DNM3: variants seen among roughly 807,000 people sequenced by gnomAD.
The protein encoded by DNM3 is dynamin-3.
A neutral mutation model predicts 101.6 loss-of-function variants in DNM3; 47 were observed. That is an observed-to-expected ratio of 0.46 (90% CI 0.37 to 0.59). The LOEUF (loss-of-function observed/expected upper bound fraction) is 0.59, where lower values mean the gene tolerates loss of function less well. DNM3 is among the 20% of genes least tolerant of loss of function. The pLI is 0.00. For synonymous variants in DNM3, 385 were observed against 387.9 expected (o/e 0.99, Z 0.09); for missense variants, 849 against 1,085.7 (o/e 0.78, Z 3.06).
chr1:172,019,827 T>C (rs1467298341), intron 4 of DNM3, among the ~76,000 whole-genome samples: 1 of 152,194 alleles, frequency 6.6e-6, no homozygotes, highest in Non-Finnish European at 1.5e-5. Flanking sequence ...TATTCTTTCT[T>C]AGCATTTCCA....
intron 15 of DNM3, among the ~76,000 whole-genome samples, chr1:172,269,786 C>T (rs992984762): frequency 3.9e-5 from 6 of 152,034 alleles, no homozygotes; most frequent in Non-Finnish European, 8.8e-5. Context: ...TTTGTGATAG[C>T]GTGGGGCCCC....
intron 14 of DNM3, among the ~76,000 whole-genome samples, chr1:172,149,500 A>G (rs1219533550): frequency 1.3e-5 from 2 of 152,154 alleles, no homozygotes; most frequent in East Asian, 1.9e-4. Flanking sequence ...TGGCCTTTTC[A>G]GGCAGATTTT....
Position 172,338,873 on chromosome 1 carries a change from A to G in DNM3, c.1893+15533A>G. 5 of 459,850 alleles carry G rather than the reference A, an allele frequency of 1.1e-5. No homozygotes were observed. In the Admixed American group the frequency reaches 1.2e-4, roughly 11 times the overall value. The allele number at this position is 459,850 out of a possible 1,614,324, so 28.5% of individuals were successfully genotyped here. A position where few individuals can be genotyped will look rare whatever the true frequency, so the allele number is the denominator to read the frequency against. On this transcript the variant is annotated intron_variant, in intron 17 of 20. Transcript: ENST00000627582. ...TAAATCCAGAATGAAAGTGCATCTG[A>G]ACTTGACACACGTAAATAGTAGAAA...
chr1:172,260,455 A>C (rs1194573473), intron 15 of DNM3, among the ~76,000 whole-genome samples: 2 of 152,086 alleles, frequency 1.3e-5, no homozygotes, highest in Non-Finnish European at 2.9e-5. Flanking sequence ...GGACACCAAA[A>C]TTTGAATATT....
At chr1:172,146,033 A>G (rs2057877663) in intron 14 of DNM3, among the ~76,000 whole-genome samples, 1 of 152,166 alleles carries the variant, frequency 6.6e-6, no homozygotes, top group Non-Finnish European at 1.5e-5. Flanking sequence ...CAAGAGCTTG[A>G]TTAATTGCCC....
chr1:172,231,638 A>G (rs2061340514), intron 14 of DNM3, among the ~76,000 whole-genome samples: 1 of 152,162 alleles, frequency 6.6e-6, no homozygotes, highest in Non-Finnish European at 1.5e-5. Context: ...AGATGATCAA[A>G]CTTCTGCGAG....
chr1:172,234,912 G>A (rs1255322952), intron 14 of DNM3, among the ~76,000 whole-genome samples: 1 of 152,178 alleles, frequency 6.6e-6, no homozygotes, highest in Non-Finnish European at 1.5e-5. Context: ...AGAAAACCTA[G>A]GCAGTACCAT....
intron 14 of DNM3, among the ~76,000 whole-genome samples, chr1:172,149,845 G>A (rs904421932): frequency 6.6e-6 from 1 of 151,954 alleles, no homozygotes; most frequent in African/African-American, 2.4e-5. Context: ...CAGGGGTGGA[G>A]AAAGTACCCT....
intron 14 of DNM3, among the ~76,000 whole-genome samples, chr1:172,228,175 T>C (rs10911336): frequency 0.17 from 25,241 of 151,990 alleles, 2,457 homozygotes; most frequent in East Asian, 0.28. Flanking sequence ...ATGAGTCTTT[T>C]ATAGTTTCAG....
chr1:172,003,974 A>G (rs990726362), intron 4 of DNM3, among the ~76,000 whole-genome samples: 1 of 151,998 alleles, frequency 6.6e-6, no homozygotes, highest in African/African-American at 2.4e-5. Flanking sequence ...AATTCCCAAA[A>G]CCACTCAGCA....
chr1:172,304,218 A>AAAAAAAAAAAAAAAC (rs1182798546), intron 15 of DNM3, among the ~76,000 whole-genome samples: 4 of 135,092 alleles, frequency 3.0e-5, no homozygotes, highest in African/African-American at 1.3e-4. Flanking sequence ...AAAAAAAAAA[A>AAAAAAAAAAAAAAAC]AAAACAGGAG....
chr1:172,415,908 A>G (rs773267964), downstream of DNM3, among the ~76,000 whole-genome samples: 7 of 152,188 alleles, frequency 4.6e-5, no homozygotes, highest in Non-Finnish European at 7.3e-5. Flanking sequence ...GAATGTCACC[A>G]TAAGACCAAA....
intron 14 of DNM3, among the ~76,000 whole-genome samples, chr1:172,203,818 A>G (rs377725163): frequency 8.5e-5 from 13 of 152,208 alleles, no homozygotes; most frequent in African/African-American, 2.4e-4. Flanking sequence ...GTTATAATGT[A>G]TAAATTCTGA....
At chr1:171,887,569 A>G (rs2036886202) in intron 1 of DNM3, among the ~76,000 whole-genome samples, 2 of 152,270 alleles carry the variant, frequency 1.3e-5, no homozygotes, top group Middle Eastern at 3.4e-3. Context: ...TCCATTCTTT[A>G]TAGATCTTTT....
rs374692919 is a variant in DNM3 at position 172,379,114 on chromosome 1, A to G, written c.1990A>G (p.Met664Val). 320 of 1,612,052 alleles carry G rather than the reference A, an allele frequency of 2.0e-4. No homozygotes were observed. The highest frequency in any genetic ancestry group is 2.4e-4 in the Non-Finnish European group (288 of 1,178,902). The change falls in exon 18 of 21, where the codon ATG becomes GTG. Residue 664 changes from methionine (M) to valine (V), a missense_variant. Transcript: ENST00000627582. ...CATTCGCAACCTCGTAGACTCCTAC[A>G]TGTCCATTATCAACAAATGTATCCG... The part of the protein sequence containing the change: ...ETIRNLVDSY[M>V]SIINKCIRDL...
chr1:171,999,983 C>G (rs2046259876), intron 4 of DNM3, among the ~76,000 whole-genome samples: 4 of 152,070 alleles, frequency 2.6e-5, no homozygotes, highest in Admixed American at 2.0e-4. Flanking sequence ...TGTGAGACAA[C>G]AAATTCCTGT....
At chr1:172,048,790 G>A (rs907867149) in intron 10 of DNM3, 40 bp downstream of exon 10, 4 of 1,598,288 alleles carry the variant, frequency 2.5e-6, no homozygotes, top group South Asian at 2.3e-5. Flanking sequence ...CGTGGCTTTG[G>A]TTTATCAACA....
intron 17 of DNM3, among the ~76,000 whole-genome samples, chr1:172,360,727 C>T (rs896858072): frequency 1.3e-5 from 2 of 152,002 alleles, no homozygotes; most frequent in African/African-American, 4.8e-5. Context: ...TCTGCGGTTG[C>T]TTGTAACACC....
chr1:172,135,505 TG>T (rs1303202630), intron 14 of DNM3, among the ~76,000 whole-genome samples: 1 of 152,180 alleles, frequency 6.6e-6, no homozygotes, highest in African/African-American at 2.4e-5. Flanking sequence ...TTTTTGTTTT[TG>T]TTTTTTGTTT....
Sources: allele counts gnomAD v4.1 joint callset (sites outside exome capture counted in the v4.1 genomes callset), GRCh38; gene constraint gnomAD v4.1.1; transcripts MANE v1.5; gene names NCBI Gene and HGNC (gene_info 2026-07-23, HGNC 2026-07-21).